Variants in CCDC88A observed in about 807,000 individuals in gnomAD.
CCDC88A encodes coiled-coil and HOOK domain protein 88A, also known as girdin.
A neutral mutation model predicts 234.3 loss-of-function variants in CCDC88A; 54 were observed. The observed-to-expected ratio is 0.23, with a 90% CI of 0.19 to 0.29. The LOEUF is 0.29. Ranked by LOEUF, CCDC88A falls within the 10% of genes least tolerant of loss-of-function variation. CCDC88A has a pLI of 1.00. For missense variants in CCDC88A, 1,832 were observed against 2,123.4 expected, an observed-to-expected ratio of 0.86 and a Z score of 2.70; for synonymous variants, 753 against 737.8, an observed-to-expected ratio of 1.02 and a Z score of -0.33.
At chr2:55,294,634 G>C in intron 31 of CCDC88A, 1 of 989,688 alleles carries the variant, frequency 1.0e-6, no homozygotes, top group Non-Finnish European at 1.2e-6. Flanking sequence ...GACAGTCAGA[G>C]CAAGTGAGGG....
intron 3 of CCDC88A, among the ~76,000 whole-genome samples, chr2:55,384,110 G>A (rs887619794): frequency 2.6e-5 from 4 of 152,036 alleles, no homozygotes; most frequent in Non-Finnish European, 4.4e-5. Context: ...GAGGCGGAAG[G>A]ATTGCTTGAG....
intron 16 of CCDC88A, chr2:55,329,772 T>C (rs1684698902): frequency 6.6e-6 from 1 of 152,210 alleles, no homozygotes; most frequent in South Asian, 2.1e-4. Context: ...CCACTTTATT[T>C]ATTTAGAGAC....
chr2:55,319,780 A>G (rs963715952), intron 18 of CCDC88A, among the ~76,000 whole-genome samples: 1 of 152,164 alleles, frequency 6.6e-6, no homozygotes, highest in South Asian at 2.1e-4. Flanking sequence ...TTTCAGGATT[A>G]TTTCTAAATT....
chr2:55,380,461 G>A (rs200620301), intron 3 of CCDC88A, among the ~76,000 whole-genome samples: 1 of 126,010 alleles, frequency 7.9e-6, no homozygotes, highest in Non-Finnish European at 1.7e-5. Context: ...ATTAAGAAAA[G>A]ACAGAAAAAA....
intron 2 of CCDC88A, among the ~76,000 whole-genome samples, chr2:55,410,212 A>T (rs1680249281): frequency 6.6e-6 from 1 of 152,122 alleles, no homozygotes; most frequent in South Asian, 2.1e-4. Context: ...TTGTTTGGGG[A>T]TGGGAGTACA....
rs781332552 is a variant in CCDC88A, at chr2:55,362,410, C to G, written c.525G>C (p.Trp175Cys). 1 of 1,606,526 alleles carries G rather than the reference C, an allele frequency of 6.2e-7. No individual in the cohort carries two copies. The highest frequency in any genetic ancestry group is 8.5e-7 in the Non-Finnish European group (1 of 1,177,486). Residue 175 changes from tryptophan to cysteine, a missense_variant, in exon 7 of 33, where the codon TGG (tryptophan) becomes TGC (cysteine). Transcript: ENST00000436346. ...CCTGCGACATATCAGTCACTTCCAT[C>G]CATTGCAGGTCAAACACATTTTCCT... ...HNQENVFDLQWMEVTDMSQED... is the reference protein window; with the variant it reads ...HNQENVFDLQCMEVTDMSQED...
At chr2:55,408,157 T>C (rs933143833) in intron 2 of CCDC88A, among the ~76,000 whole-genome samples, 1 of 152,086 alleles carries the variant, frequency 6.6e-6, no homozygotes, top group Non-Finnish European at 1.5e-5. Flanking sequence ...CACCCATTAG[T>C]ACTGTCTAAT....
chr2:55,394,776 T>A (rs1219692144), intron 2 of CCDC88A: 1 of 151,664 alleles, frequency 6.6e-6, no homozygotes, highest in African/African-American at 2.4e-5. Flanking sequence ...ACCTGCATGT[T>A]GGGCATATGT....
rs754596234 is a variant in CCDC88A, at chr2:55,332,744, T to C, written c.2728-51A>G. The C allele has an allele frequency of 1.9e-6, 3 of 1,540,556 alleles. No individual in the cohort carries two copies. The East Asian group carries it at 6.8e-5, about 35-fold the overall frequency. ...CACCTAAGTGTCAAGGGTATAAACA[T>C]CTAAGAAAGTCAGCTAAGATTCTAA... On this transcript the variant is annotated intron_variant, in intron 15 of 32. Coordinates refer to ENST00000436346, the MANE Select transcript of CCDC88A (RefSeq NM_001365480.1). This position sits in a 1 kb window ranked among gnomAD's most constrained non-coding sequence, Gnocchi z 4.5.
In CCDC88A at chr2:55,384,650, CATAT is replaced by C. The variant is rs200509165; in HGVS notation, c.273+4124_273+4127del. 7.1e-4 allele frequency among the ~76,000 whole-genome samples: 3 copies of C among 4,252 alleles called. No individual in the cohort carries two copies. In the South Asian group the frequency reaches 7.7e-3, roughly 11 times the overall value. 2.8% of individuals were successfully genotyped at this position (4,252 alleles called of 152,430 possible). On this transcript the variant is annotated intron_variant, in intron 3 of 32. Transcript: ENST00000436346. ...ATATATGTATATATGTGTATATATACATATATATATATATATATTTTTTAAAGAC... is the reference window on the plus strand; with the variant it reads ...ATATATGTATATATGTGTATATATACATATATATATATATTTTTTAAAGAC...
At chr2:55,346,798 TG>T (rs1558713132) in intron 9 of CCDC88A, among the ~76,000 whole-genome samples, 1 of 152,338 alleles carries the variant, frequency 6.6e-6, no homozygotes, top group East Asian at 1.9e-4. Context: ...TATCTAAATT[TG>T]TTTTTTAAAT....
intron 2 of CCDC88A, chr2:55,404,509 A>C (rs1679232422): frequency 6.6e-6 from 1 of 152,194 alleles, no homozygotes. Context: ...CCTATTACAA[A>C]AGCACTAAGA....
intron 2 of CCDC88A, among the ~76,000 whole-genome samples, chr2:55,401,184 C>G (rs143795074): frequency 3.1e-3 from 463 of 151,694 alleles, no homozygotes; most frequent in African/African-American, 0.011. Flanking sequence ...AATCCCAGCA[C>G]TTTGGGAGGC....
chr2:55,367,255 G>C (rs1672111757), intron 5 of CCDC88A, among the ~76,000 whole-genome samples: 1 of 152,082 alleles, frequency 6.6e-6, no homozygotes, highest in South Asian at 2.1e-4. Context: ...GTAACAAAGG[G>C]AGTCATCATT....
In CCDC88A at chr2:55,317,017, G is replaced by A. The variant is rs992154046; in HGVS notation, c.3746+189C>T. The A allele has an allele frequency of 5.2e-6, 1 of 193,068 alleles. No homozygotes were observed. The allele number at this position is 193,068 out of a possible 1,614,324, so 12.0% of individuals were successfully genotyped here. ...CCCAAAGTGCTGGAATTACAGGTGTGAGCCACTGCACCCAGCCTATTCTAT... is the reference window on the plus strand; with the variant it reads ...CCCAAAGTGCTGGAATTACAGGTGTAAGCCACTGCACCCAGCCTATTCTAT... On this transcript the variant is annotated intron_variant, in intron 21 of 32. Transcript: ENST00000436346. This position sits in a 1 kb window ranked among gnomAD's most constrained non-coding sequence, Gnocchi z 4.2.
rs1674425034 is a variant in CCDC88A at position 55,380,557 on chromosome 2, T to C, written c.274-5674A>G. ...ATTACAATTTCATTTCCACCACATG[T>C]TAGCTGGCTTTGTATAACTTTTTTC... On this transcript the variant is annotated intron_variant, in intron 3 of 32. Coordinates refer to ENST00000436346, the MANE Select transcript of CCDC88A (RefSeq NM_001365480.1). 2.0e-5 allele frequency among the ~76,000 whole-genome samples: 3 copies of C among 152,286 alleles called. No homozygotes were observed. In the South Asian group the frequency reaches 6.2e-4, roughly 32 times the overall value.
In CCDC88A at chr2:55,334,148, C is replaced by T; in HGVS notation, c.2673G>A (p.Lys891=). ...CAATAGTTGCTCTTTTCACAAGCTC[C>T]TTATTTTCTTTTTCTAGTTCTTTCA... ...VRLKELEKEN[K]ELVKRATIDI... is the part of the protein sequence containing the mutation. Residue 891 remains lysine, a synonymous_variant, in exon 15 of 33, where the codon AAG becomes AAA. Coordinates refer to ENST00000436346, the MANE Select transcript of CCDC88A (RefSeq NM_001365480.1). This position sits in a 1 kb window ranked among gnomAD's most constrained non-coding sequence, Gnocchi z 6.1. 7.4e-7 allele frequency: 1 copy of T among 1,344,290 alleles called. No homozygotes were observed. 83.3% of individuals were successfully genotyped at this position (1,344,290 alleles called of 1,614,324 possible). A position where few individuals can be genotyped will look rare whatever the true frequency, so the allele number is the denominator to read the frequency against.
intron 3 of CCDC88A, among the ~76,000 whole-genome samples, chr2:55,387,286 A>G (rs1675826841): frequency 6.6e-6 from 1 of 152,078 alleles, no homozygotes; most frequent in South Asian, 2.1e-4. Context: ...CAAGACAAGA[A>G]AAGCTTAAAA....
At chr2:55,300,187 GT>G (rs1680711735) in intron 28 of CCDC88A, 1 of 361,284 alleles carries the variant, frequency 2.8e-6, no homozygotes, top group Admixed American at 4.3e-5. Flanking sequence ...TGCCAGGAGT[GT>G]TTTAGTTAAA....
Sources: allele counts gnomAD v4.1 joint callset (sites outside exome capture counted in the v4.1 genomes callset), GRCh38; gene constraint gnomAD v4.1.1; non-coding constraint Gnocchi (gnomAD v3.1); transcripts MANE v1.5; gene names NCBI Gene and HGNC (gene_info 2026-07-23, HGNC 2026-07-21).